The following NUP62 variants were observed in gnomAD, a reference collection of about 807,000 sequenced individuals.
The protein encoded by NUP62 is nuclear pore glycoprotein p62.
For missense variants in NUP62, 647 were observed against 689.4 expected (o/e 0.94, Z 0.69); for synonymous variants, 305 against 303.4 (o/e 1.01, Z -0.05).
In NUP62 at chr19:49,922,953, T is replaced by A. The variant is rs1286713429; in HGVS notation, c.-78+4741A>T. Among the ~76,000 whole-genome samples the A allele has an allele frequency of 2.6e-5, 4 of 152,274 alleles. No individual in the cohort carries two copies. In the East Asian group the frequency reaches 7.7e-4, roughly 29 times the overall value. ...AAGGTAGTTCTATGATTGTGCCCAT[T>A]TTACTGATGAGGTGACCACAGGTCG... On this transcript the variant is annotated intron_variant, in intron 2 of 2. Coordinates refer to ENST00000352066, the MANE Select transcript of NUP62 (RefSeq NM_016553.5).
At chr19:49,917,347 TCTAA>T (rs2075651132) in intron 2 of NUP62, among the ~76,000 whole-genome samples, 1 of 152,214 alleles carries the variant, frequency 6.6e-6, no homozygotes, top group South Asian at 2.1e-4. Context: ...ACTCCACAAG[TCTAA>T]CTACTCTGCT....
chr19:49,919,563 T>C (rs2075714010), intron 2 of NUP62, among the ~76,000 whole-genome samples: 1 of 152,184 alleles, frequency 6.6e-6, no homozygotes, highest in African/African-American at 2.4e-5. Flanking sequence ...AAATGATTTG[T>C]GGATTCACTG....
intron 2 of NUP62, among the ~76,000 whole-genome samples, chr19:49,924,794 G>C (rs552764881): frequency 1.3e-5 from 2 of 152,218 alleles, no homozygotes; most frequent in African/African-American, 2.4e-5. Flanking sequence ...CACTCACCCT[G>C]AGTCCAGCTG....
At chr19:49,910,295 TGAGC>T (rs2075430971) in intron 2 of NUP62, among the ~76,000 whole-genome samples, 1 of 151,972 alleles carries the variant, frequency 6.6e-6, no homozygotes, top group Non-Finnish European at 1.5e-5. Context: ...TAGCAGGGTG[TGAGC>T]GGATCAGCTC....
At chr19:49,920,344 G>T (rs1183229799) in intron 2 of NUP62, among the ~76,000 whole-genome samples, 6 of 152,152 alleles carry the variant, frequency 3.9e-5, no homozygotes, top group Non-Finnish European at 7.4e-5. Flanking sequence ...GTCTCCCAAG[G>T]TGCTGGGATT....
chr19:49,916,768 A>C (rs1312243022), intron 2 of NUP62, among the ~76,000 whole-genome samples: 1 of 152,018 alleles, frequency 6.6e-6, no homozygotes, highest in Non-Finnish European at 1.5e-5. Context: ...CGTCTCAAAA[A>C]CAAAAAAACA....
intron 2 of NUP62, among the ~76,000 whole-genome samples, chr19:49,915,135 G>A (rs114004208): frequency 7.0e-4 from 107 of 152,244 alleles, no homozygotes; most frequent in African/African-American, 2.5e-3. Flanking sequence ...GGAAGAATTA[G>A]GAAGGATGTG....
Position 49,922,113 on chromosome 19 carries a change from G to A in NUP62, c.-78+5581C>T, listed in dbSNP as rs1304095594. Among the ~76,000 whole-genome samples the A allele has an allele frequency of 3.3e-5, 5 of 152,330 alleles. No individual in the cohort carries two copies. In the East Asian group the frequency reaches 7.7e-4, roughly 24 times the overall value. ...CCCTCCTGACTCAGAGCTGCTGGCT[G>A]TTTCTCAACTAACCCCGGCGGCACT... On this transcript the variant is annotated intron_variant, in intron 2 of 2. Transcript: ENST00000352066.
In NUP62 at chr19:49,908,535, G is replaced by T. The variant is rs1372788543; in HGVS notation, c.1273C>A (p.His425Asn). The change falls in exon 3 of 3, where the codon CAC becomes AAC. Residue 425 changes from histidine (H) to asparagine (N), a missense_variant. Transcript: ENST00000352066. ...GTTTTCTCACGCTCCTCATCCGCGT[G>T]CTGCAGGTAGATGGTCCCGCTCTGC... Reference protein sequence around the residue: ...KEQSGTIYLQHADEEREKTYK... With the variant: ...KEQSGTIYLQNADEEREKTYK... The T allele has an allele frequency of 6.2e-7, 1 of 1,614,182 alleles. No homozygotes were observed. The highest frequency in any genetic ancestry group is 1.7e-5 in the Admixed American group (1 of 60,026).
intron 1 of NUP62, chr19:49,928,129 C>G (rs1322748449): frequency 6.6e-6 from 1 of 152,250 alleles, no homozygotes; most frequent in Non-Finnish European, 1.5e-5. Context: ...ATGAGGGAGA[C>G]AGAAGAATGA....
chr19:49,912,984 T>C (rs1479216290), intron 2 of NUP62: 1 of 149,298 alleles, frequency 6.7e-6, no homozygotes, highest in Non-Finnish European at 1.5e-5. Context: ...CCACGGTCCC[T>C]GCCCTCAAGG....
At chr19:49,915,319 A>C (rs1350217603) in intron 2 of NUP62, among the ~76,000 whole-genome samples, 1 of 152,184 alleles carries the variant, frequency 6.6e-6, no homozygotes, top group Non-Finnish European at 1.5e-5. Context: ...GGGGTTCTTC[A>C]GGGAGGCAGG....
chr19:49,921,040 A>C lies in NUP62; in HGVS notation c.-78+6654T>G, dbSNP rs140094733. Among the ~76,000 whole-genome samples, 4 of 152,256 alleles carry C rather than the reference A, an allele frequency of 2.6e-5. No individual in the cohort carries two copies. The highest frequency in any genetic ancestry group is 9.6e-5 in the African/African-American group (4 of 41,534). ...TGGGGGCAGGGTGGCTTTCATTATG[A>C]GAACTGGAAGCAAACACAGCCCCTT... On this transcript the variant is annotated intron_variant, in intron 2 of 2. Coordinates refer to ENST00000352066, the MANE Select transcript of NUP62 (RefSeq NM_016553.5). This position sits in a 1 kb window ranked among gnomAD's most constrained non-coding sequence, Gnocchi z 5.4.
intron 2 of NUP62, among the ~76,000 whole-genome samples, chr19:49,919,337 G>A (rs1245610737): frequency 2.0e-5 from 3 of 152,198 alleles, no homozygotes; most frequent in Non-Finnish European, 4.4e-5. Context: ...AAACAAAAGC[G>A]TGGTTGGCAC....
chr19:49,913,342 G>A (rs1174509205), intron 2 of NUP62, among the ~76,000 whole-genome samples: 2 of 152,212 alleles, frequency 1.3e-5, no homozygotes, highest in Non-Finnish European at 2.9e-5. Context: ...CTATGTTCTT[G>A]AAATGTGCTG....
chr19:49,912,039 G>C (rs79290557), intron 2 of NUP62, among the ~76,000 whole-genome samples: 2 of 152,146 alleles, frequency 1.3e-5, no homozygotes, highest in African/African-American at 2.4e-5. Flanking sequence ...GCTTAAAAAA[G>C]CTTTTGCTAT....
rs1314592143 is a variant in NUP62, at chr19:49,908,930, T to G, written c.878A>C (p.Asn293Thr). Residue 293 changes from asparagine (N) to threonine (T), a missense_variant, in exon 3 of 3, where the codon AAT becomes ACT. Physicochemically the swap from Asn to Thr is moderately conservative, Grantham distance 65. Transcript: ENST00000352066. The stretch of plus-strand genomic sequence containing the variant: ...CCCGGCTGGCGCCAGTGGTTTTAAA[T>G]TCAAGGCAAAGCCGGTGGTGCTGCT... Reference protein sequence around the residue: ...SSSSTTGFALNLKPLAPAGIP... With the variant: ...SSSSTTGFALTLKPLAPAGIP... 6.2e-7 allele frequency: 1 copy of G among 1,608,236 alleles called. No individual in the cohort carries two copies. The highest frequency in any genetic ancestry group is 8.5e-7 in the Non-Finnish European group (1 of 1,177,532).
Position 49,929,350 on chromosome 19 carries a change from CTTCT to C in NUP62, c.-228_-225del, listed in dbSNP as rs2076009526. 1 of 154,570 alleles carries C rather than the reference CTTCT, an allele frequency of 6.5e-6. No individual in the cohort carries two copies. Among genetic ancestry groups the C allele is most frequent in the Non-Finnish European group, 1.4e-5 (1 of 69,902 alleles). 9.6% of individuals were successfully genotyped at this position (154,570 alleles called of 1,614,324 possible). ...CCACGCCTGCGCTCTCCGCTCCCAC[CTTCT>C]TTCTTCAGCCGAGGCCGCCGCCGCC... is the stretch of plus-strand genomic sequence containing the variant. On this transcript the variant is annotated 5_prime_UTR_variant, in exon 1 of 3. Coordinates refer to ENST00000352066, the MANE Select transcript of NUP62 (RefSeq NM_016553.5).
At chr19:49,915,150 A>T (rs1345929961) in intron 2 of NUP62, among the ~76,000 whole-genome samples, 1 of 151,990 alleles carries the variant, frequency 6.6e-6, no homozygotes, top group Non-Finnish European at 1.5e-5. Flanking sequence ...GATGTGTGCT[A>T]TGTGTGTGGG....
Sources: allele counts gnomAD v4.1 joint callset (sites outside exome capture counted in the v4.1 genomes callset), GRCh38; gene constraint gnomAD v4.1.1; non-coding constraint Gnocchi (gnomAD v3.1); transcripts MANE v1.5; gene names NCBI Gene and HGNC (gene_info 2026-07-23, HGNC 2026-07-21).